Variants in SH3GL1 observed in about 807,000 individuals in gnomAD.
The protein encoded by SH3GL1 is endophilin-A2.
In SH3GL1, 21 loss-of-function variants were observed where a neutral mutation model predicts 48.8. The ratio of observed to expected loss-of-function variants is 0.43; its 90% CI spans 0.30 to 0.62. The LOEUF is 0.62. Ranked by LOEUF, SH3GL1 falls within the 20% of genes least tolerant of loss-of-function variation. SH3GL1 has a pLI of 0.11. For missense variants in SH3GL1, 454 were observed against 503.0 expected (o/e 0.90, Z 0.93); for synonymous variants, 282 against 217.5 (o/e 1.30, Z -2.61).
chr19:4,366,661 A>G (rs1972787588), intron 2 of SH3GL1, 88 bp from the exon 3 acceptor site: 60 of 1,271,556 alleles, frequency 4.7e-5, no homozygotes, highest in Non-Finnish European at 6.5e-5. Flanking sequence ...CTCCTGCCCT[A>G]AGAGCCCATA....
At chr19:4,362,920 T>C (rs1429021972) in intron 7 of SH3GL1, among the ~76,000 whole-genome samples, 184 bp from the exon 8 acceptor site, 1 of 152,132 alleles carries the variant, frequency 6.6e-6, no homozygotes. Context: ...GCCTCCAGCC[T>C]GGACCCCCAC....
Position 4,367,075 on chromosome 19 carries a change from G to C in SH3GL1, c.46-81C>G. On this transcript the variant is annotated intron_variant, in intron 1 of 9. Transcript: ENST00000269886. The surrounding 1 kb of genome is among the most constrained non-coding windows in gnomAD (Gnocchi z 4.2). ...ACAGGAGGCCCTGAGCCGCCTTCCA[G>C]CCACATCGCATCCACAGCTGGAGGC... is the stretch of plus-strand genomic sequence containing the variant. The C allele has an allele frequency of 7.8e-7, 1 of 1,277,506 alleles. No homozygotes were observed. The highest frequency in any genetic ancestry group is 2.3e-5 in the East Asian group (1 of 43,264). The allele number at this position is 1,277,506 out of a possible 1,614,324, so 79.1% of individuals were successfully genotyped here.
At chr19:4,379,438 A>AT (rs1568415898) in intron 1 of SH3GL1, among the ~76,000 whole-genome samples, 2 of 151,388 alleles carry the variant, frequency 1.3e-5, no homozygotes, top group Admixed American at 6.6e-5. Context: ...AAAAAAAAAA[A>AT]AAATAAAGCA....
In SH3GL1 at chr19:4,376,340, C is replaced by A. The variant is rs1373375783; in HGVS notation, c.46-9346G>T. 6.6e-6 allele frequency among the ~76,000 whole-genome samples: 1 copy of A among 152,222 alleles called. No individual in the cohort carries two copies. The highest frequency in any genetic ancestry group is 1.5e-5 in the Non-Finnish European group (1 of 68,038). On this transcript the variant is annotated intron_variant, in intron 1 of 9. Coordinates refer to ENST00000269886, the MANE Select transcript of SH3GL1 (RefSeq NM_003025.4). This position sits in a 1 kb window ranked among gnomAD's most constrained non-coding sequence, Gnocchi z 4.3. ...AGGAGACAGGTGAAGGCACATTCCTCAGCGCCCGCTCACAGCTCTGCCCAC... is the reference window on the plus strand; with the variant it reads ...AGGAGACAGGTGAAGGCACATTCCTAAGCGCCCGCTCACAGCTCTGCCCAC...
intron 1 of SH3GL1, among the ~76,000 whole-genome samples, chr19:4,373,107 G>A (rs891411167): frequency 7.7e-6 from 1 of 129,418 alleles, no homozygotes; most frequent in African/African-American, 3.1e-5. Flanking sequence ...AGGCCAGGAG[G>A]GGGAGGGAGA....
chr19:4,363,807 G>A lies in SH3GL1; in HGVS notation c.537C>T (p.Pro179=), dbSNP rs143506885. ...CCAGCGCCTGGCGTAGCTCCTCATCGGGGATCTTGCCCTGCCGCTTCTTCT... is the reference window on the plus strand; with the variant it reads ...CCAGCGCCTGGCGTAGCTCCTCATCAGGGATCTTGCCCTGCCGCTTCTTCT... The part of the protein sequence containing the change: ...DYKKKRQGKI[P]DEELRQALEK... The change falls in exon 6 of 10, where the codon CCC becomes CCT. Residue 179 remains proline, a synonymous_variant. Transcript: ENST00000269886. 215 of 1,613,526 alleles carry A rather than the reference G, an allele frequency of 1.3e-4. No individual in the cohort carries two copies. Among genetic ancestry groups the A allele is most frequent in the African/African-American group, 1.6e-4 (12 of 74,926 alleles).
chr19:4,373,874 T>C (rs569132040), intron 1 of SH3GL1, among the ~76,000 whole-genome samples: 14 of 152,218 alleles, frequency 9.2e-5, no homozygotes, highest in East Asian at 1.9e-4. Context: ...CAGCCAGACA[T>C]TGGGGGCCAT....
At position 4,400,359 on chromosome 19, in the gene SH3GL1, C is replaced by A. The variant is rs749962293; in HGVS notation, c.10G>T (p.Ala4Ser). MSVAGLKKQFYKAS... is the reference protein window; with the variant it reads MSVSGLKKQFYKAS... ...TTGTAGAACTGCTTCTTCAGCCCCGCCACCGACATGCTGCCGCCCGCCGCC... is the reference window on the plus strand; with the variant it reads ...TTGTAGAACTGCTTCTTCAGCCCCGACACCGACATGCTGCCGCCCGCCGCC... Residue 4 changes from alanine (A) to serine (S), a missense_variant, in exon 1 of 10, where the codon GCG (alanine) becomes TCG (serine). Physicochemically the swap from Ala to Ser is moderately conservative, Grantham distance 99 (BLOSUM62 1). Transcript: ENST00000269886. This position sits in a 1 kb window ranked among gnomAD's most constrained non-coding sequence, Gnocchi z 4.1. The A allele has an allele frequency of 1.3e-6, 2 of 1,591,284 alleles. No homozygotes were observed. Among genetic ancestry groups the A allele is most frequent in the Admixed American group, 3.4e-5 (2 of 58,600 alleles).
chr19:4,364,898 GTATA>G (rs1555739999), intron 4 of SH3GL1, among the ~76,000 whole-genome samples: 81 of 95,992 alleles, frequency 8.4e-4, no homozygotes, highest in African/African-American at 1.9e-3. Flanking sequence ...GTGTGTGTGT[GTATA>G]TATATATATA....
chr19:4,364,963 C>T (rs1311808520), intron 4 of SH3GL1, among the ~76,000 whole-genome samples: 3 of 141,996 alleles, frequency 2.1e-5, no homozygotes, highest in African/African-American at 7.9e-5. Flanking sequence ...CCATATTGGT[C>T]TTGCTGGTCT....
At chr19:4,384,831 C>T (rs1224808521) in intron 1 of SH3GL1, among the ~76,000 whole-genome samples, 4 of 152,178 alleles carry the variant, frequency 2.6e-5, no homozygotes, top group Admixed American at 6.5e-5. Flanking sequence ...TGAGCAGGTG[C>T]GGTGGCTTAC....
rs765031528 is a variant in SH3GL1, at chr19:4,400,368, T to TGCTGCCGCCCGCCGCCGAG, written c.-19_-1dup. The stretch of plus-strand genomic sequence containing the variant: ...TGCTTCTTCAGCCCCGCCACCGACA[T>TGCTGCCGCCCGCCGCCGAG]GCTGCCGCCCGCCGCCGAGCCTCCC... On this transcript the variant is annotated 5_prime_UTR_variant, in exon 1 of 10. Transcript: ENST00000269886. The surrounding 1 kb of genome is among the most constrained non-coding windows in gnomAD (Gnocchi z 4.1). The TGCTGCCGCCCGCCGCCGAG allele has an allele frequency of 6.3e-7, 1 of 1,588,576 alleles. No individual in the cohort carries two copies. Among genetic ancestry groups the TGCTGCCGCCCGCCGCCGAG allele is most frequent in the South Asian group, 1.1e-5 (1 of 88,886 alleles).
chr19:4,373,200 G>A (rs927874589), intron 1 of SH3GL1, among the ~76,000 whole-genome samples: 5 of 152,192 alleles, frequency 3.3e-5, no homozygotes, highest in East Asian at 1.9e-4. Context: ...ATGGCCCGGC[G>A]GCGAGGAATC....
chr19:4,388,353 G>A (rs1259459834), intron 1 of SH3GL1, among the ~76,000 whole-genome samples: 4 of 152,184 alleles, frequency 2.6e-5, no homozygotes, highest in East Asian at 1.9e-4. Flanking sequence ...TGTGGTCTGC[G>A]AGTCGTGGGA....
chr19:4,399,207 C>G (rs1973475682), intron 1 of SH3GL1, among the ~76,000 whole-genome samples: 1 of 148,810 alleles, frequency 6.7e-6, no homozygotes, highest in African/African-American at 2.5e-5. Context: ...GTAGTCCCAG[C>G]TACTGGGGAG....
chr19:4,366,502 T>C lies in SH3GL1; in HGVS notation c.186A>G (p.Pro62=). ...ARTIEYLQPN[P]ASRAKLTMLN... ...CCTGGCAGTGGCTGGAGCACCCACC[T>C]GGGTTGGGCTGCAGGTACTCGATGG... The change falls in exon 3 of 10, where the codon CCA becomes CCG. Residue 62 remains proline, a splice_region_variant and synonymous_variant. Transcript: ENST00000269886. The C allele has an allele frequency of 6.2e-7, 1 of 1,609,154 alleles. No homozygotes were observed. Among genetic ancestry groups the C allele is most frequent in the Non-Finnish European group, 8.5e-7 (1 of 1,178,702 alleles).
chr19:4,383,620 C>A (rs567508137), intron 1 of SH3GL1, among the ~76,000 whole-genome samples: 10 of 152,314 alleles, frequency 6.6e-5, no homozygotes, highest in Admixed American at 5.2e-4. Flanking sequence ...CCTGAGAGAA[C>A]TGCTCTCACA....
chr19:4,378,424 A>G (rs1300729905), intron 1 of SH3GL1, among the ~76,000 whole-genome samples: 1 of 152,030 alleles, frequency 6.6e-6, no homozygotes, highest in Non-Finnish European at 1.5e-5. Flanking sequence ...TAGAAACTAC[A>G]CACCACCAGG....
chr19:4,391,536 C>T lies in SH3GL1; in HGVS notation c.45+8788G>A, dbSNP rs533697659. ...TCTGGGACCTACTGTACAGCAGTCA[C>T]GGGTGGCAGAAATCGGAGTCTGATG... is the stretch of plus-strand genomic sequence containing the variant. On this transcript the variant is annotated intron_variant, in intron 1 of 9. Coordinates refer to ENST00000269886, the MANE Select transcript of SH3GL1 (RefSeq NM_003025.4). Among the ~76,000 whole-genome samples the T allele has an allele frequency of 4.6e-5, 7 of 152,250 alleles. No individual in the cohort carries two copies. The East Asian group carries it at 5.8e-4, about 13-fold the overall frequency.
Sources: allele counts gnomAD v4.1 joint callset (sites outside exome capture counted in the v4.1 genomes callset), GRCh38; gene constraint gnomAD v4.1.1; non-coding constraint Gnocchi (gnomAD v3.1); transcripts MANE v1.5; gene names NCBI Gene and HGNC (gene_info 2026-07-23, HGNC 2026-07-21).